PIP5K1A: variants seen among roughly 807,000 people sequenced by gnomAD.
PIP5K1A encodes phosphatidylinositol-4-phosphate 5-kinase type 1 alpha.
In PIP5K1A, 46 loss-of-function variants were observed where a neutral mutation model predicts 72.9. The ratio of observed to expected loss-of-function variants is 0.63; its 90% CI spans 0.50 to 0.81. The LOEUF (loss-of-function observed/expected upper bound fraction) is 0.81, where lower values mean the gene tolerates loss of function less well. Among genes scored for constraint, PIP5K1A ranks in the 30% least tolerant of loss-of-function variants. The pLI is 0.00. For synonymous variants in PIP5K1A, 228 were observed against 255.1 expected (o/e 0.89, Z 1.01); for missense variants, 458 against 706.1 (o/e 0.65, Z 3.98).
chr1:151,223,340 C>G (rs192434122), intron 1 of PIP5K1A, among the ~76,000 whole-genome samples: 7 of 140,400 alleles, frequency 5.0e-5, no homozygotes, highest in Admixed American at 3.7e-4. Context: ...ACCAGCAAAA[C>G]TCCGTCTCAA....
intron 1 of PIP5K1A, among the ~76,000 whole-genome samples, chr1:151,220,028 C>T (rs1333799538): frequency 6.6e-6 from 1 of 151,788 alleles, no homozygotes; most frequent in East Asian, 1.9e-4. Flanking sequence ...ATTTTTGAGA[C>T]AGAGTGTTGC....
upstream of PIP5K1A, among the ~76,000 whole-genome samples, chr1:151,198,313 T>G (rs1484950275): frequency 3.3e-5 from 5 of 151,934 alleles, no homozygotes; most frequent in Non-Finnish European, 5.9e-5. Context: ...CCGACTCTTG[T>G]CCCGAGTTCA....
At chr1:151,218,045 G>A (rs1558257078) in intron 1 of PIP5K1A, among the ~76,000 whole-genome samples, 2 of 152,172 alleles carry the variant, frequency 1.3e-5, no homozygotes, top group Non-Finnish European at 2.9e-5. Flanking sequence ...TCCCCCAAGT[G>A]GTGGGATTGC....
chr1:151,209,774 G>A (rs1040304638), intron 1 of PIP5K1A, among the ~76,000 whole-genome samples: 1 of 151,786 alleles, frequency 6.6e-6, no homozygotes, highest in Non-Finnish European at 1.5e-5. Flanking sequence ...CACCATGTTG[G>A]CCAGGCTGGT....
chr1:151,217,273 T>C (rs1687779286), intron 1 of PIP5K1A, among the ~76,000 whole-genome samples: 1 of 152,124 alleles, frequency 6.6e-6, no homozygotes, highest in South Asian at 2.1e-4. Flanking sequence ...CTTTTTCTGT[T>C]TTTGGTTTTG....
In PIP5K1A at chr1:151,236,653, G is replaced by T; in HGVS notation, c.1035G>T (p.Gln345His). ...AQREPLSSETQYSVDTRRPAP... is the reference protein window; with the variant it reads ...AQREPLSSETHYSVDTRRPAP... ...GAGAGCCCTTAAGCAGTGAAACACAGTACTCAGTTGATACTCGAAGACCGG... is the reference window on the plus strand; with the variant it reads ...GAGAGCCCTTAAGCAGTGAAACACATTACTCAGTTGATACTCGAAGACCGG... Residue 345 changes from glutamine (Q) to histidine (H), a missense_variant, in exon 9 of 16, where the codon CAG becomes CAT. Around this residue, in one of 3 missense-constraint regions of PIP5K1A, gnomAD observed 220 missense variants for 442.6 expected, o/e 0.50. Coordinates refer to ENST00000368888, the MANE Select transcript of PIP5K1A (RefSeq NM_001135638.2). The T allele has an allele frequency of 6.2e-7, 1 of 1,613,556 alleles. No homozygotes were observed. Among genetic ancestry groups the T allele is most frequent in the African/African-American group, 1.3e-5 (1 of 74,900 alleles).
intron 1 of PIP5K1A, among the ~76,000 whole-genome samples, chr1:151,199,489 C>T (rs766627481): frequency 1.3e-5 from 2 of 151,972 alleles, no homozygotes; most frequent in Non-Finnish European, 2.9e-5. Flanking sequence ...TGGCGTGCAT[C>T]TGTAATCCCA....
intron 14 of PIP5K1A, among the ~76,000 whole-genome samples, chr1:151,242,972 A>C (rs587672653): frequency 1.3e-5 from 2 of 152,344 alleles, no homozygotes; most frequent in South Asian, 4.1e-4. Flanking sequence ...AGCTCAGAAC[A>C]TGGCACCTGG....
chr1:151,213,739 G>A (rs1032687334), intron 1 of PIP5K1A, among the ~76,000 whole-genome samples: 2 of 152,160 alleles, frequency 1.3e-5, no homozygotes, highest in African/African-American at 2.4e-5. Flanking sequence ...GTTAATGTGT[G>A]TGTGGGGAGT....
chr1:151,203,250 TG>T (rs1685459465), intron 1 of PIP5K1A, among the ~76,000 whole-genome samples: 2 of 152,074 alleles, frequency 1.3e-5, no homozygotes, highest in Admixed American at 1.3e-4. Flanking sequence ...CACTTGAGGC[TG>T]GGTACAATGG....
chr1:151,206,004 C>G (rs1037319910), intron 1 of PIP5K1A, among the ~76,000 whole-genome samples: 1 of 152,036 alleles, frequency 6.6e-6, no homozygotes, highest in African/African-American at 2.4e-5. Context: ...AGAGGAAACC[C>G]TAAGAAGCCC....
intron 1 of PIP5K1A, among the ~76,000 whole-genome samples, chr1:151,210,182 C>T (rs1558243043): frequency 6.6e-6 from 1 of 151,518 alleles, no homozygotes; most frequent in Non-Finnish European, 1.5e-5. Context: ...CTGCGCCCGC[C>T]CTCCCCGGCC....
At chr1:151,212,646 C>T (rs1376159007) in intron 1 of PIP5K1A, among the ~76,000 whole-genome samples, 3 of 151,824 alleles carry the variant, frequency 2.0e-5, no homozygotes, top group Non-Finnish European at 4.4e-5. Context: ...ATGATCTCTG[C>T]TTACTGCAAT....
rs587660322 is a variant in PIP5K1A at position 151,198,978 on chromosome 1, G to T, written c.-19G>T. 6.2e-7 allele frequency: 1 copy of T among 1,611,444 alleles called. No individual in the cohort carries two copies. Among genetic ancestry groups the T allele is most frequent in the African/African-American group, 1.3e-5 (1 of 74,916 alleles). ...GATTGAAAGAGAGCCAGGCCGCTGAGGGGGAGGGGGCTGCTAAGATGGCGT... is the reference window on the plus strand; with the variant it reads ...GATTGAAAGAGAGCCAGGCCGCTGATGGGGAGGGGGCTGCTAAGATGGCGT... On this transcript the variant is annotated 5_prime_UTR_variant, in exon 1 of 16. It adds an upstream start codon to the 5' untranslated region. Coordinates refer to ENST00000368888, the MANE Select transcript of PIP5K1A (RefSeq NM_001135638.2).
At position 151,201,866 on chromosome 1, in the gene PIP5K1A, CA is replaced by C. The variant is rs1199975695; in HGVS notation, c.85+2793del. ...GACAGAGCAAGACTCTGTCTCAAAA[CA>C]AAAAAAAGGGGGCAAAAAGTGGCTA... On this transcript the variant is annotated intron_variant, in intron 1 of 15. Coordinates refer to ENST00000368888, the MANE Select transcript of PIP5K1A (RefSeq NM_001135638.2). Among the ~76,000 whole-genome samples the C allele has an allele frequency of 7.9e-5, 12 of 151,200 alleles. No homozygotes were observed. In the South Asian group the frequency reaches 2.5e-3, roughly 32 times the overall value.
At chr1:151,208,755 C>T (rs1466110249) in intron 1 of PIP5K1A, among the ~76,000 whole-genome samples, 16 of 78,840 alleles carry the variant, frequency 2.0e-4, no homozygotes, top group Admixed American at 1.7e-3. Context: ...TTTTTGGAGA[C>T]GGAGTCTTGC....
At position 151,249,291 on chromosome 1, in the gene PIP5K1A, G is replaced by C. The variant is rs983363340; in HGVS notation, c.*1426G>C. On this transcript the variant is annotated 3_prime_UTR_variant, in exon 16 of 16. Transcript: ENST00000368888. ...TTTTTACAAGAAGGAAAGAATTCTT[G>C]CTATTTTTTTTTCATAATTTACTAT... 15 of 151,566 alleles carry C rather than the reference G, an allele frequency of 9.9e-5. No individual in the cohort carries two copies. Among genetic ancestry groups the C allele is most frequent in the African/African-American group, 3.6e-4 (15 of 41,204 alleles). 9.4% of individuals were successfully genotyped at this position (151,566 alleles called of 1,614,324 possible). A position where few individuals can be genotyped will look rare whatever the true frequency, so the allele number is the denominator to read the frequency against.
rs372727909 is a variant in PIP5K1A, at chr1:151,215,366, T to G, written c.86-8879T>G. On this transcript the variant is annotated intron_variant, in intron 1 of 15. Transcript: ENST00000368888. ...TTTTTTTTTTGAAAAGGAGTCTCATTGTGTCATCCAGCCTGGAGTGCAAAG... is the reference window on the plus strand; with the variant it reads ...TTTTTTTTTTGAAAAGGAGTCTCATGGTGTCATCCAGCCTGGAGTGCAAAG... 1.7e-3 allele frequency among the ~76,000 whole-genome samples: 247 copies of G among 149,338 alleles called. 1 individual carries two copies. The highest frequency in any genetic ancestry group is 5.9e-3 in the African/African-American group (239 of 40,504).
chr1:151,232,240 C>A lies in PIP5K1A; in HGVS notation c.369-8C>A, dbSNP rs1690196500. On this transcript the variant is annotated splice_polypyrimidine_tract_variant and splice_region_variant and intron_variant, in intron 5 of 15. Coordinates refer to ENST00000368888, the MANE Select transcript of PIP5K1A (RefSeq NM_001135638.2). The stretch of plus-strand genomic sequence containing the variant: ...GCAAGTTATGGCTACCTCTGTTTAA[C>A]CCCACAGTGAAGGGAGCAACCTGAC... The A allele has an allele frequency of 1.9e-6, 3 of 1,590,500 alleles. No homozygotes were observed. Among genetic ancestry groups the A allele is most frequent in the Non-Finnish European group, 2.6e-6 (3 of 1,158,530 alleles).
Sources: allele counts gnomAD v4.1 joint callset (sites outside exome capture counted in the v4.1 genomes callset), GRCh38; gene constraint gnomAD v4.1.1; regional missense constraint gnomAD v4.1.1; transcripts MANE v1.5; gene names NCBI Gene and HGNC (gene_info 2026-07-23, HGNC 2026-07-21).